HEMK2: variants seen among roughly 807,000 people sequenced by gnomAD.
HEMK2 encodes methyltransferase HEMK2.
the HEMK2 span, among the ~76,000 whole-genome samples, chr21:28,803,283 A>C: frequency 6.6e-6 from 1 of 152,222 alleles, no homozygotes; most frequent in Non-Finnish European, 1.5e-5. Context: ...GGATTAACAT[A>C]CACATCCTAA....
At chr21:28,824,988 G>C in the HEMK2 span, among the ~76,000 whole-genome samples, 3 of 152,190 alleles carry the variant, frequency 2.0e-5, no homozygotes, top group Admixed American at 2.0e-4. Context: ...GGCAAACCTG[G>C]ACAGTCCCTA....
At chr21:28,664,411 C>T in the HEMK2 span, among the ~76,000 whole-genome samples, 1 of 152,142 alleles carries the variant, frequency 6.6e-6, no homozygotes, top group African/African-American at 2.4e-5. Flanking sequence ...TACATAGGCC[C>T]ACACTTTGAA....
At chr21:28,643,132 C>A in the HEMK2 span, among the ~76,000 whole-genome samples, 9 of 152,174 alleles carry the variant, frequency 5.9e-5, no homozygotes, top group Admixed American at 2.0e-4. Flanking sequence ...CAGTCCCCAC[C>A]AGTTCCTACT....
chr21:28,739,686 C>A, the HEMK2 span, among the ~76,000 whole-genome samples: 190 of 152,268 alleles, frequency 1.2e-3, no homozygotes, highest in African/African-American at 4.4e-3. Flanking sequence ...TAGCCATTAG[C>A]CCTAGGTGCC....
At chr21:28,811,317 G>C in the HEMK2 span, among the ~76,000 whole-genome samples, 4 of 142,544 alleles carry the variant, frequency 2.8e-5, no homozygotes, top group African/African-American at 1.1e-4. Flanking sequence ...GGGGAGGGGA[G>C]GGGAGGAAGG....
the HEMK2 span, among the ~76,000 whole-genome samples, chr21:28,761,218 G>T: frequency 1.4e-4 from 22 of 151,964 alleles, no homozygotes; most frequent in Non-Finnish European, 2.8e-4. Context: ...AAGAATTTAG[G>T]TATAAATGGG....
chr21:28,650,565 C>T, the HEMK2 span, among the ~76,000 whole-genome samples: 16 of 152,164 alleles, frequency 1.1e-4, no homozygotes, highest in Admixed American at 5.2e-4. Context: ...GAAAACTTTA[C>T]GGGTTTCCAA....
At chr21:28,754,528 A>C in the HEMK2 span, among the ~76,000 whole-genome samples, 1 of 152,236 alleles carries the variant, frequency 6.6e-6, no homozygotes, top group African/African-American at 2.4e-5. Flanking sequence ...AAAATGCTAG[A>C]GCAGCAGGCT....
chr21:28,877,233 A>G, the HEMK2 span, among the ~76,000 whole-genome samples: 1 of 128,074 alleles, frequency 7.8e-6, no homozygotes, highest in East Asian at 2.4e-4. Flanking sequence ...GAAGGAAGGA[A>G]AGGAAGGGAA....
chr21:28,771,072 T>C, the HEMK2 span, among the ~76,000 whole-genome samples: 1 of 152,152 alleles, frequency 6.6e-6, no homozygotes, highest in Non-Finnish European at 1.5e-5. Flanking sequence ...GACACTGTGA[T>C]AAGTACTTCA....
chr21:28,852,555 G>A, the HEMK2 span, among the ~76,000 whole-genome samples: 4 of 152,290 alleles, frequency 2.6e-5, no homozygotes, highest in African/African-American at 7.2e-5. Context: ...TGCCCTGGTA[G>A]AAGCTAGAGG....
chr21:28,863,817 C>T, the HEMK2 span, among the ~76,000 whole-genome samples: 371 of 152,076 alleles, frequency 2.4e-3, no homozygotes, highest in African/African-American at 7.1e-3. Flanking sequence ...GCACCAGAAA[C>T]AGTCTTTTCT....
the HEMK2 span, among the ~76,000 whole-genome samples, chr21:28,724,551 T>C: frequency 6.7e-6 from 1 of 148,500 alleles, no homozygotes. Context: ...TAACTGCTTG[T>C]TTGTTTGTTT....
At chr21:28,800,466 G>A in the HEMK2 span, among the ~76,000 whole-genome samples, 4 of 151,898 alleles carry the variant, frequency 2.6e-5, no homozygotes, top group African/African-American at 7.3e-5. Flanking sequence ...GTCCTGATCT[G>A]TACCCATTAT....
chr21:28,647,520 A>AG, the HEMK2 span, among the ~76,000 whole-genome samples: 15 of 150,028 alleles, frequency 1.0e-4, no homozygotes, highest in South Asian at 2.1e-4. Context: ...AAAAAAAAAA[A>AG]AAAAAGAAAA....
the HEMK2 span, among the ~76,000 whole-genome samples, chr21:28,604,892 C>T: frequency 6.6e-6 from 1 of 152,106 alleles, no homozygotes; most frequent in Admixed American, 6.5e-5. Context: ...GCATTGGGAC[C>T]ATGTTGTGCC....
chr21:28,636,248 G>A, the HEMK2 span, among the ~76,000 whole-genome samples: 1 of 151,978 alleles, frequency 6.6e-6, no homozygotes, highest in Admixed American at 6.6e-5. Context: ...CCTACTTGTT[G>A]TACTTGCTTG....
chr21:28,709,701 C>G, the HEMK2 span, among the ~76,000 whole-genome samples: 1 of 151,964 alleles, frequency 6.6e-6, no homozygotes, highest in South Asian at 2.1e-4. Flanking sequence ...CCAGACTGAC[C>G]CTGTAAGGCT....
chr21:28,795,623 A>G, the HEMK2 span, among the ~76,000 whole-genome samples: 2 of 152,240 alleles, frequency 1.3e-5, no homozygotes, highest in Non-Finnish European at 1.5e-5. Context: ...AAAACTACAC[A>G]GAACATTTCA....
Sources: gnomAD v4.1 joint callset for allele counts (sites outside exome capture counted in the v4.1 genomes callset) on GRCh38, gnomAD v4.1.1 for gene constraint, MANE v1.5 for transcripts, NCBI Gene and HGNC (gene_info 2026-07-23, HGNC 2026-07-21) for gene names.